Variants in CNIH3 observed in about 807,000 individuals in gnomAD.
CNIH3 encodes the protein protein cornichon homolog 3.
Under a neutral mutation model 24.1 loss-of-function variants are expected in CNIH3, and 14 were observed. The ratio of observed to expected loss-of-function variants is 0.58; its 90% CI spans 0.38 to 0.91. The LOEUF (loss-of-function observed/expected upper bound fraction) is 0.91, where lower values mean the gene tolerates loss of function less well. Ranked by LOEUF, CNIH3 falls within the 40% of genes least tolerant of loss-of-function variation. The probability of loss-of-function intolerance (pLI) is 0.00; values close to 1 mark genes in which losing one functional copy is unlikely to be tolerated. For missense variants in CNIH3, 178 were observed against 196.8 expected (o/e 0.90, Z 0.57); for synonymous variants, 68 against 73.8 (o/e 0.92, Z 0.40).
chr1:224,494,136 T>C (rs1181910122), intron 1 of CNIH3, among the ~76,000 whole-genome samples: 1 of 152,204 alleles, frequency 6.6e-6, no homozygotes, highest in Non-Finnish European at 1.5e-5. Context: ...TCAAAAGCTG[T>C]GGTAATATAA....
intron 3 of CNIH3, among the ~76,000 whole-genome samples, chr1:224,602,592 C>A (rs1361862721): frequency 2.0e-5 from 3 of 152,102 alleles, no homozygotes; most frequent in African/African-American, 7.2e-5. Context: ...TTGGAAGTGA[C>A]CCCTGTAACA....
chr1:224,624,667 C>T (rs1355024995), intron 1 of CNIH3, among the ~76,000 whole-genome samples: 2 of 152,188 alleles, frequency 1.3e-5, no homozygotes, highest in Admixed American at 1.3e-4. Flanking sequence ...TTATCATCTC[C>T]CCTGGACTAA....
chr1:224,625,885 C>T (rs1375513954), intron 1 of CNIH3, among the ~76,000 whole-genome samples: 1 of 152,074 alleles, frequency 6.6e-6, no homozygotes, highest in Non-Finnish European at 1.5e-5. Context: ...TCCAACATCA[C>T]GTATGTTGAT....
intron 4 of CNIH3, chr1:224,574,405 T>G (rs1052543404): frequency 7.3e-5 from 38 of 522,238 alleles, no homozygotes; most frequent in African/African-American, 7.0e-4. Flanking sequence ...TACATGGTTC[T>G]GGGTGGGGGT....
chr1:224,574,838 C>G lies in CNIH3; in HGVS notation n.517-8326C>G, dbSNP rs527766642. On this transcript the variant is annotated intron_variant and non_coding_transcript_variant, in intron 4 of 5. Transcript: ENST00000471578. ...AGCCAGGTAATGGTAATGTGGTTCC[C>G]AGTAACAGTAACATTCTGGACACAT... 8 of 920,156 alleles carry G rather than the reference C, an allele frequency of 8.7e-6. No homozygotes were observed. The South Asian group carries it at 1.0e-4, about 12-fold the overall frequency. 57.0% of individuals were successfully genotyped at this position (920,156 alleles called of 1,614,324 possible).
intron 1 of CNIH3, among the ~76,000 whole-genome samples, chr1:224,656,233 C>T (rs1389465458): frequency 6.6e-6 from 1 of 152,176 alleles, no homozygotes; most frequent in Non-Finnish European, 1.5e-5. Context: ...ACTCAAAGTA[C>T]CTGGTTTGCA....
At chr1:224,492,475 C>T (rs1677271036) in intron 1 of CNIH3, among the ~76,000 whole-genome samples, 1 of 152,210 alleles carries the variant, frequency 6.6e-6, no homozygotes, top group South Asian at 2.1e-4. Flanking sequence ...AAATAACCTA[C>T]ATGACGTAAA....
chr1:224,501,545 G>T (rs1677671204), intron 1 of CNIH3, among the ~76,000 whole-genome samples: 1 of 147,880 alleles, frequency 6.8e-6, no homozygotes, highest in Admixed American at 6.7e-5. Flanking sequence ...TTTAACCCCA[G>T]AGTTCATGTT....
intron 1 of CNIH3, among the ~76,000 whole-genome samples, chr1:224,501,060 C>G (rs1410650958): frequency 1.3e-5 from 2 of 152,228 alleles, no homozygotes; most frequent in Non-Finnish European, 2.9e-5. Flanking sequence ...GCCACCTCTG[C>G]TGCTGTGCCT....
intron 1 of CNIH3, among the ~76,000 whole-genome samples, chr1:224,673,533 A>G (rs999473093): frequency 2.0e-5 from 3 of 152,060 alleles, no homozygotes; most frequent in African/African-American, 7.2e-5. Context: ...TGGCTCCTGG[A>G]CATTCAGTCC....
chr1:224,701,155 G>T (rs1441189921), intron 3 of CNIH3, among the ~76,000 whole-genome samples: 1 of 151,592 alleles, frequency 6.6e-6, no homozygotes, highest in African/African-American at 2.4e-5. Flanking sequence ...CCACTAGGGG[G>T]TGTCACACTG....
intron 3 of CNIH3, among the ~76,000 whole-genome samples, chr1:224,600,528 C>G (rs1441806173): frequency 6.6e-6 from 1 of 152,102 alleles, no homozygotes; most frequent in African/African-American, 2.4e-5. Context: ...GGGTCTCGCT[C>G]TGTTGTCCAG....
At chr1:224,685,684 G>A (rs1310772816) in intron 3 of CNIH3, among the ~76,000 whole-genome samples, 2 of 152,184 alleles carry the variant, frequency 1.3e-5, no homozygotes, top group African/African-American at 2.4e-5. Flanking sequence ...ATTGATAGAA[G>A]GGGAAAATAC....
intron 1 of CNIH3, among the ~76,000 whole-genome samples, chr1:224,642,975 G>C (rs1395241826): frequency 1.3e-5 from 2 of 152,148 alleles, no homozygotes; most frequent in East Asian, 3.9e-4. Flanking sequence ...TGAACATGCA[G>C]GCCAAGGTGT....
At chr1:224,511,612 G>A (rs528439977), upstream of CNIH3, among the ~76,000 whole-genome samples, 2 of 149,292 alleles carry the variant, frequency 1.3e-5, no homozygotes, top group East Asian at 4.1e-4. Flanking sequence ...ATCCTAGCAT[G>A]TTGGGAGGCT....
At position 224,488,354 on chromosome 1, in the gene CNIH3, G is replaced by A. The variant is rs72758366; in HGVS notation, n.204-27387G>A. Among the ~76,000 whole-genome samples, 170 of 150,964 alleles carry A rather than the reference G, an allele frequency of 1.1e-3. 1 individual carries two copies. Among genetic ancestry groups the A allele is most frequent in the Non-Finnish European group, 2.2e-3 (149 of 67,892 alleles). ...TCAATTTTTTTTCCCATCTTTTTTC[G>A]CTCTGATCTTTAAATTAGATAATTT... On this transcript the variant is annotated intron_variant and non_coding_transcript_variant, in intron 1 of 5. Coordinates refer to the CNIH3 transcript ENST00000471578.
At chr1:224,659,678 A>G (rs947610720) in intron 1 of CNIH3, among the ~76,000 whole-genome samples, 1 of 152,232 alleles carries the variant, frequency 6.6e-6, no homozygotes, top group African/African-American at 2.4e-5. Context: ...TTTAGACATA[A>G]TCAAGAAAAG....
chr1:224,670,857 G>C (rs1685830595), intron 1 of CNIH3, among the ~76,000 whole-genome samples: 1 of 152,226 alleles, frequency 6.6e-6, no homozygotes, highest in Non-Finnish European at 1.5e-5. Context: ...ATGTGACTTG[G>C]CTATGATGTC....
At chr1:224,450,309 T>C (rs1303705466) in intron 1 of CNIH3, among the ~76,000 whole-genome samples, 2 of 152,154 alleles carry the variant, frequency 1.3e-5, no homozygotes, top group Admixed American at 6.5e-5. Context: ...ACAGGAAATG[T>C]ATCAGGTGGT....
Sources: gnomAD v4.1 joint callset for allele counts (sites outside exome capture counted in the v4.1 genomes callset) on GRCh38, gnomAD v4.1.1 for gene constraint, MANE v1.5 for transcripts, NCBI Gene and HGNC (gene_info 2026-07-23, HGNC 2026-07-21) for gene names.